The following PAPPA variants were observed in gnomAD, a reference collection of about 807,000 sequenced individuals.
The protein encoded by PAPPA is pappalysin-1.
In PAPPA, 60 loss-of-function variants were observed where a neutral mutation model predicts 164.0. The observed-to-expected ratio is 0.37, with a 90% CI of 0.30 to 0.45. The LOEUF (loss-of-function observed/expected upper bound fraction) is 0.45, where lower values mean the gene tolerates loss of function less well. Ranked by LOEUF, PAPPA falls within the 20% of genes least tolerant of loss-of-function variation. PAPPA has a pLI of 1.00. For missense variants in PAPPA, 1,782 were observed against 2,087.3 expected, an observed-to-expected ratio of 0.85 and a Z score of 2.85; for synonymous variants, 875 against 814.1, an observed-to-expected ratio of 1.07 and a Z score of -1.27.
chr9:116,225,338 T>TA (rs1844493146), intron 5 of PAPPA, among the ~76,000 whole-genome samples: 1 of 152,226 alleles, frequency 6.6e-6, no homozygotes, highest in African/African-American at 2.4e-5. Flanking sequence ...TGTATAATTG[T>TA]TATTATTGCT....
At chr9:116,309,356 G>A (rs1203379181) in intron 10 of PAPPA, among the ~76,000 whole-genome samples, 1 of 152,252 alleles carries the variant, frequency 6.6e-6, no homozygotes, top group East Asian at 1.9e-4. Context: ...GATTACAGGT[G>A]TGACCCACTG....
intron 10 of PAPPA, among the ~76,000 whole-genome samples, chr9:116,305,739 G>A (rs2118897566): frequency 6.6e-6 from 1 of 152,294 alleles, no homozygotes; most frequent in Non-Finnish European, 1.5e-5. Flanking sequence ...TCTAGGATTA[G>A]AAGAATCTCA....
Position 116,338,212 on chromosome 9 carries a change from T to A in PAPPA, c.3611+3138T>A, listed in dbSNP as rs186021316. ...CTTCCCTCCTCCCTCCATTTATTCT[T>A]CTTTCCTTTCATGCTTCCTTTCTTC... On this transcript the variant is annotated intron_variant, in intron 13 of 21. Transcript: ENST00000328252. Among the ~76,000 whole-genome samples the A allele has an allele frequency of 2.0e-5, 3 of 152,336 alleles. No homozygotes were observed. In the South Asian group the frequency reaches 6.2e-4, roughly 32 times the overall value.
rs930376016 is a variant in PAPPA, at chr9:116,400,899, T to A, written c.*4283T>A. The A allele has an allele frequency of 6.6e-6, 1 of 152,590 alleles. No homozygotes were observed. The highest frequency in any genetic ancestry group is 1.5e-5 in the Non-Finnish European group (1 of 68,022). 9.5% of individuals were successfully genotyped at this position (152,590 alleles called of 1,614,324 possible). A position where few individuals can be genotyped will look rare whatever the true frequency, so the allele number is the denominator to read the frequency against. ...TTATCCAATTGCCTCTACATTTGCATCAGTTTCTCTAGCTGCAAAATGGGG... is the reference window on the plus strand; with the variant it reads ...TTATCCAATTGCCTCTACATTTGCAACAGTTTCTCTAGCTGCAAAATGGGG... On this transcript the variant is annotated 3_prime_UTR_variant, in exon 22 of 22. Coordinates refer to ENST00000328252, the MANE Select transcript of PAPPA (RefSeq NM_002581.5).
At position 116,211,879 on chromosome 9, in the gene PAPPA, G is replaced by A. The variant is rs1844312381; in HGVS notation, c.1865G>A (p.Cys622Tyr). 6.2e-7 allele frequency: 1 copy of A among 1,614,120 alleles called. No individual in the cohort carries two copies. The highest frequency in any genetic ancestry group is 8.5e-7 in the Non-Finnish European group (1 of 1,180,000). The change falls in exon 4 of 22, where the codon TGT becomes TAT. Residue 622 changes from cysteine to tyrosine, a missense_variant. By Grantham distance (194) the Cys-to-Tyr change is radical. This residue lies in a region of PAPPA where 1,324 missense variants were observed against 1,656.9 expected (regional missense o/e 0.80). Coordinates refer to ENST00000328252, the MANE Select transcript of PAPPA (RefSeq NM_002581.5). ...GACCCAGGGCCAGGAAATGACACCT[G>A]TGGCTTTCATAGCTTCTTCAACACT... is the stretch of plus-strand genomic sequence containing the variant. ...CGDPGPGNDTCGFHSFFNTPY... is the reference protein window; with the variant it reads ...CGDPGPGNDTYGFHSFFNTPY...
intron 9 of PAPPA, among the ~76,000 whole-genome samples, chr9:116,297,963 G>T (rs1445700152): frequency 6.6e-6 from 1 of 152,126 alleles, no homozygotes. Context: ...GGCATAGGGA[G>T]GTGAAATACC....
At chr9:116,195,083 A>T (rs1844088290) in intron 2 of PAPPA, among the ~76,000 whole-genome samples, 1 of 152,186 alleles carries the variant, frequency 6.6e-6, no homozygotes, top group Admixed American at 6.5e-5. Context: ...CAATGTTGGG[A>T]TGGCTCATAA....
rs534254617 is a variant in PAPPA at position 116,154,532 on chromosome 9, G to A, written c.360G>A (p.Thr120=). ...TCGAGCTGCCCCGGGACGCGTTCAC[G>A]CTGCAAGTGTGGCTGCGAGCGGAGG... ...ADLELPRDAF[T]LQVWLRAEGG... The change falls in exon 1 of 22, where the codon ACG becomes ACA. Residue 120 remains threonine (T), a synonymous_variant. Transcript: ENST00000328252. The surrounding 1 kb of genome is among the most constrained non-coding windows in gnomAD (Gnocchi z 5.2). 1.1e-5 allele frequency: 15 copies of A among 1,401,500 alleles called. No individual in the cohort carries two copies. The African/African-American group carries it at 1.6e-4, about 15-fold the overall frequency. The allele number at this position is 1,401,500 out of a possible 1,614,324, so 86.8% of individuals were successfully genotyped here. A position where few individuals can be genotyped will look rare whatever the true frequency, so the allele number is the denominator to read the frequency against.
chr9:116,211,797 G>T lies in PAPPA; in HGVS notation c.1783G>T (p.Glu595Ter). The T allele has an allele frequency of 6.2e-7, 1 of 1,614,106 alleles. No individual in the cohort carries two copies. The highest frequency in any genetic ancestry group is 8.5e-7 in the Non-Finnish European group (1 of 1,180,012). ...CTGCATGGAGACAGAGCCCTCCTTC[G>T]AGACTGGAGACCTCTGCAATGATAC... ...DPCMETEPSF[E>*]TGDLCNDTNP... The change falls in exon 4 of 22, where the codon GAG (glutamate) becomes TAG (stop). Residue 595 changes from glutamate to a stop codon, truncating the protein, a stop_gained. Coordinates refer to ENST00000328252, the MANE Select transcript of PAPPA (RefSeq NM_002581.5). LOFTEE classifies it high-confidence loss of function.
intron 17 of PAPPA, among the ~76,000 whole-genome samples, chr9:116,360,963 G>T (rs1042044416): frequency 6.6e-6 from 1 of 152,220 alleles, no homozygotes; most frequent in Non-Finnish European, 1.5e-5. Flanking sequence ...GGTTGTGCCA[G>T]ATAAGGTATT....
At chr9:116,393,381 A>G (rs1846919725) in intron 21 of PAPPA, among the ~76,000 whole-genome samples, 1 of 152,176 alleles carries the variant, frequency 6.6e-6, no homozygotes, top group South Asian at 2.1e-4. Flanking sequence ...ACTGACTGTA[A>G]AAGTGGAGGC....
At chr9:116,210,033 G>A (rs1002103007) in intron 3 of PAPPA, among the ~76,000 whole-genome samples, 2 of 151,898 alleles carry the variant, frequency 1.3e-5, no homozygotes, top group Admixed American at 1.3e-4. Flanking sequence ...CTCTTTTTCT[G>A]CTATTACACC....
chr9:116,247,966 A>T (rs777926913), intron 7 of PAPPA, among the ~76,000 whole-genome samples: 4 of 152,226 alleles, frequency 2.6e-5, no homozygotes, highest in Non-Finnish European at 4.4e-5. Context: ...GGAAAAACTG[A>T]TAAGATAATA....
intron 9 of PAPPA, among the ~76,000 whole-genome samples, chr9:116,302,227 A>G (rs1382567181): frequency 6.6e-6 from 1 of 152,322 alleles, no homozygotes; most frequent in East Asian, 1.9e-4. Flanking sequence ...TTTTTATTAC[A>G]GTATAGACAC....
chr9:116,227,562 C>A lies in PAPPA; in HGVS notation c.2233+10C>A. The A allele has an allele frequency of 5.6e-6, 9 of 1,613,626 alleles. No homozygotes were observed. The highest frequency in any genetic ancestry group is 7.6e-6 in the Non-Finnish European group (9 of 1,179,828). On this transcript the variant is annotated intron_variant, in intron 6 of 21. Transcript: ENST00000328252. ...CCTCGTGAAGCAGAAGGTAAGCCAG[C>A]CTTCTGGAAGCTCATTGACAGGAGG...
chr9:116,394,653 A>G (rs1283624008), intron 21 of PAPPA, among the ~76,000 whole-genome samples: 2 of 152,212 alleles, frequency 1.3e-5, no homozygotes, highest in Non-Finnish European at 2.9e-5. Flanking sequence ...TAGATTCTAG[A>G]TGGAATATCC....
At chr9:116,366,796 A>T (rs553334946) in intron 18 of PAPPA, among the ~76,000 whole-genome samples, 7 of 152,312 alleles carry the variant, frequency 4.6e-5, no homozygotes, top group African/African-American at 1.4e-4. Flanking sequence ...ATGGGCACCT[A>T]GGAGGGGCTT....
chr9:116,180,447 T>C (rs569040448), intron 1 of PAPPA, among the ~76,000 whole-genome samples: 11 of 152,240 alleles, frequency 7.2e-5, no homozygotes, highest in African/African-American at 2.6e-4. Context: ...TCCTTATCTG[T>C]CAAAAGAATA....
intron 1 of PAPPA, among the ~76,000 whole-genome samples, chr9:116,159,921 A>T (rs1843648267): frequency 6.6e-6 from 1 of 152,160 alleles, no homozygotes; most frequent in Non-Finnish European, 1.5e-5. Flanking sequence ...TTCACAGATG[A>T]TCCCCTCTAA....
Sources: gnomAD v4.1 joint callset for allele counts (sites outside exome capture counted in the v4.1 genomes callset) on GRCh38, gnomAD v4.1.1 for gene constraint, gnomAD v4.1.1 regional missense constraint, Gnocchi (gnomAD v3.1) non-coding constraint, MANE v1.5 for transcripts, NCBI Gene and HGNC (gene_info 2026-07-23, HGNC 2026-07-21) for gene names.